Variants in VCL observed in about 807,000 individuals in gnomAD.
The protein encoded by VCL is epididymis luminal protein 114.
In VCL, 47 loss-of-function variants were observed where a neutral mutation model predicts 125.7. The observed-to-expected ratio is 0.37, with a 90% CI of 0.30 to 0.48. The LOEUF is 0.48. VCL is among the 20% of genes least tolerant of loss of function. The pLI, the probability that VCL is intolerant of heterozygous loss-of-function variation, is 0.99. For missense variants in VCL, 1,069 were observed against 1,455.5 expected (o/e 0.73, Z 4.32); for synonymous variants, 458 against 514.6 (o/e 0.89, Z 1.49).
In VCL at chr10:74,036,449, C is replaced by T. The variant is rs370141683; in HGVS notation, c.169-6634C>T. On this transcript the variant is annotated intron_variant, in intron 1 of 21. Coordinates refer to ENST00000211998, the MANE Select transcript of VCL (RefSeq NM_014000.3). ...AACTTCTGATCTCAGGTGATCCACC[C>T]GCCTTGGCCTCCCAAAGTGCTGGAT... Among the ~76,000 whole-genome samples, 12 of 152,206 alleles carry T rather than the reference C, an allele frequency of 7.9e-5. No homozygotes were observed. The East Asian group carries it at 1.7e-3, about 22-fold the overall frequency.
chr10:74,105,484 A>C, intron 16 of VCL, 131 bp downstream of exon 16: 1 of 1,142,486 alleles, frequency 8.8e-7, no homozygotes, highest in South Asian at 1.3e-5. Flanking sequence ...TTAGTTTGAG[A>C]ATGCTAGATT....
At chr10:74,009,076 A>T (rs1027517407) in intron 1 of VCL, among the ~76,000 whole-genome samples, 8 of 152,166 alleles carry the variant, frequency 5.3e-5, no homozygotes, top group African/African-American at 1.9e-4. Flanking sequence ...TGGAGGAAGG[A>T]CGTCCCATTG....
chr10:74,094,717 T>C (rs528442721), intron 11 of VCL, among the ~76,000 whole-genome samples: 11 of 152,234 alleles, frequency 7.2e-5, no homozygotes, highest in Non-Finnish European at 7.4e-5. Context: ...GCCCAGGAGT[T>C]TGAGACCAGC....
At chr10:74,018,179 T>TATA (rs1840590766) in intron 1 of VCL, among the ~76,000 whole-genome samples, 1 of 121,750 alleles carries the variant, frequency 8.2e-6, no homozygotes, top group African/African-American at 3.1e-5. Context: ...ATATATAGGA[T>TATA]ATATATATAT....
chr10:74,014,148 T>G (rs1408346103), intron 1 of VCL, among the ~76,000 whole-genome samples: 1 of 152,224 alleles, frequency 6.6e-6, no homozygotes, highest in Admixed American at 6.5e-5. Flanking sequence ...ATATATATAT[T>G]TTCCAATTTG....
intron 1 of VCL, among the ~76,000 whole-genome samples, chr10:74,008,489 T>C (rs1482406560): frequency 1.3e-5 from 2 of 152,232 alleles, no homozygotes; most frequent in African/African-American, 2.4e-5. Context: ...TAAAATTTAA[T>C]GATTTAGACC....
intron 21 of VCL, among the ~76,000 whole-genome samples, chr10:74,115,789 G>A (rs1840303000): frequency 6.6e-6 from 1 of 152,194 alleles, no homozygotes; most frequent in African/African-American, 2.4e-5. Flanking sequence ...CTCTGATAGA[G>A]ATAGAAATAA....
At chr10:74,063,139 C>T (rs181672000) in intron 2 of VCL, among the ~76,000 whole-genome samples, 149 of 152,344 alleles carry the variant, frequency 9.8e-4, no homozygotes, top group African/African-American at 3.4e-3. Flanking sequence ...AGCAGTCCTC[C>T]TCTCATCCTC....
At chr10:74,070,636 C>G in intron 2 of VCL, 34 bp from the exon 3 acceptor site, 1 of 1,613,502 alleles carries the variant, frequency 6.2e-7, no homozygotes, top group Non-Finnish European at 8.5e-7. Flanking sequence ...CTGTGTGGTT[C>G]TGCCGGTGTG....
At chr10:74,078,653 A>G (rs896289744) in intron 6 of VCL, among the ~76,000 whole-genome samples, 1 of 152,208 alleles carries the variant, frequency 6.6e-6, no homozygotes, top group Non-Finnish European at 1.5e-5. Flanking sequence ...CATAGGTAGC[A>G]TAGATTTTTA....
At chr10:74,009,017 A>T (rs1490523431) in intron 1 of VCL, among the ~76,000 whole-genome samples, 1 of 152,134 alleles carries the variant, frequency 6.6e-6, no homozygotes, top group African/African-American at 2.4e-5. Flanking sequence ...TGGGGGGGAA[A>T]ATTCAAGTCT....
chr10:74,005,454 C>T (rs1840305254), intron 1 of VCL, among the ~76,000 whole-genome samples: 1 of 152,128 alleles, frequency 6.6e-6, no homozygotes, highest in Non-Finnish European at 1.5e-5. Flanking sequence ...TGGGGTTTCA[C>T]CATGTTGGCC....
intron 5 of VCL, among the ~76,000 whole-genome samples, chr10:74,074,276 C>T (rs1428587645): frequency 6.6e-6 from 1 of 152,138 alleles, no homozygotes; most frequent in African/African-American, 2.4e-5. Flanking sequence ...TTGGCAAATC[C>T]AAGCTACATG....
At chr10:74,006,637 C>T (rs997332977) in intron 1 of VCL, among the ~76,000 whole-genome samples, 1 of 152,136 alleles carries the variant, frequency 6.6e-6, no homozygotes, top group Non-Finnish European at 1.5e-5. Context: ...TGACGTGATG[C>T]CACTTGTGGA....
chr10:73,998,908 A>C (rs1027287958), intron 1 of VCL, among the ~76,000 whole-genome samples: 1 of 152,046 alleles, frequency 6.6e-6, no homozygotes, highest in African/African-American at 2.4e-5. Flanking sequence ...CCTCACCCTG[A>C]GACCCGCCTC....
intron 1 of VCL, among the ~76,000 whole-genome samples, chr10:74,035,774 G>T (rs1194530690): frequency 6.6e-6 from 1 of 152,214 alleles, no homozygotes; most frequent in East Asian, 1.9e-4. Context: ...GTATCTGTGG[G>T]TTCCACACTT....
At chr10:74,107,814 AT>A (rs902401080) in intron 17 of VCL, among the ~76,000 whole-genome samples, 1 of 152,030 alleles carries the variant, frequency 6.6e-6, no homozygotes, top group East Asian at 1.9e-4. Flanking sequence ...CTTTTAAAAA[AT>A]TTTTCCCTAA....
In VCL at chr10:74,109,006, G is replaced by C; in HGVS notation, c.2595G>C (p.Leu865=). 1 of 1,614,160 alleles carries C rather than the reference G, an allele frequency of 6.2e-7. No homozygotes were observed. The highest frequency in any genetic ancestry group is 8.5e-7 in the Non-Finnish European group (1 of 1,180,018). ...AGCTTGCTCCTCCCAAACCACCTCT[G>C]CCTGAAGGTGAGGTCCCTCCACCTA... ...TDELAPPKPP[L]PEGEVPPPRP... Residue 865 remains leucine (L), a synonymous_variant, in exon 18 of 22, where the codon CTG becomes CTC. Coordinates refer to ENST00000211998, the MANE Select transcript of VCL (RefSeq NM_014000.3).
intron 1 of VCL, among the ~76,000 whole-genome samples, chr10:74,018,084 G>C (rs1840585442): frequency 6.7e-6 from 1 of 148,956 alleles, no homozygotes; most frequent in South Asian, 2.1e-4. Context: ...GCTTGAGCTG[G>C]AGATCGTGCC....
Sources: gnomAD v4.1 joint callset for allele counts (sites outside exome capture counted in the v4.1 genomes callset) on GRCh38, gnomAD v4.1.1 for gene constraint, MANE v1.5 for transcripts, NCBI Gene and HGNC (gene_info 2026-07-23, HGNC 2026-07-21) for gene names.